Variants in TUB observed in about 807,000 individuals in gnomAD.
The protein encoded by TUB is TUB bipartite transcription factor, also known as tubby protein homolog.
A neutral mutation model predicts 59.7 loss-of-function variants in TUB; 33 were observed. The observed-to-expected ratio is 0.55, with a 90% CI of 0.42 to 0.74. The LOEUF is 0.74. Ranked by LOEUF, TUB falls within the 30% of genes least tolerant of loss-of-function variation. The pLI is 0.00. For synonymous variants in TUB, 293 were observed against 256.4 expected (o/e 1.14, Z -1.36); for missense variants, 659 against 672.0 (o/e 0.98, Z 0.21).
At chr11:8,080,428 C>A (rs572582632), upstream of TUB, among the ~76,000 whole-genome samples, 1 of 152,328 alleles carries the variant, frequency 6.6e-6, no homozygotes, top group East Asian at 1.9e-4. Context: ...CTCCTCAGCG[C>A]GCAGAGACTT....
chr11:8,104,622 G>A lies in TUB; in HGVS notation c.*3003G>A, dbSNP rs1399016023. 2 of 152,198 alleles carry A rather than the reference G, an allele frequency of 1.3e-5. No homozygotes were observed. Among genetic ancestry groups the A allele is most frequent in the African/African-American group, 2.4e-5 (1 of 41,464 alleles). 9.4% of individuals were successfully genotyped at this position (152,198 alleles called of 1,614,324 possible). ...AGAAGGTATACCTGGGAAGATACCA[G>A]CTTTTTCTCTCAGGGTTCTGAGTCA... is the stretch of plus-strand genomic sequence containing the variant. On this transcript the variant is annotated 3_prime_UTR_variant, in exon 12 of 12. Transcript: ENST00000299506.
chr11:8,077,336 A>G (rs1489210642), upstream of TUB: 24 of 152,206 alleles, frequency 1.6e-4, no homozygotes, highest in Non-Finnish European at 2.9e-5. Context: ...TCAGGATGAC[A>G]TATGACCTGG....
At chr11:8,047,502 G>A (rs371040212) in intron 2 of TUB, among the ~76,000 whole-genome samples, 5 of 152,162 alleles carry the variant, frequency 3.3e-5, no homozygotes, top group African/African-American at 9.7e-5. Context: ...AAGGAATGGA[G>A]GTGTGGAGCC....
chr11:8,052,077 T>A lies in TUB; in HGVS notation c.203+12385T>A, dbSNP rs73396736. ...TTTTGGTACAGTTTCCTAGTACAGATGATTTATTGGAGATTCATAGCACAG... is the reference window on the plus strand; with the variant it reads ...TTTTGGTACAGTTTCCTAGTACAGAAGATTTATTGGAGATTCATAGCACAG... On this transcript the variant is annotated intron_variant, in intron 2 of 12. Coordinates refer to the TUB transcript ENST00000305253. 2.3e-3 allele frequency among the ~76,000 whole-genome samples: 356 copies of A among 152,380 alleles called. 1 individual carries two copies. Among genetic ancestry groups the A allele is most frequent in the African/African-American group, 8.2e-3 (340 of 41,600 alleles).
At chr11:8,096,647 C>T (rs1331487112) in intron 5 of TUB, 38 bp from the exon 6 acceptor site, 26 of 1,389,252 alleles carry the variant, frequency 1.9e-5, no homozygotes, top group Non-Finnish European at 2.5e-5. Flanking sequence ...GCGTAGACTT[C>T]TCCTCCTTCA....
At chr11:8,023,088 A>G (rs1360033771) in intron 1 of TUB, among the ~76,000 whole-genome samples, 1 of 152,166 alleles carries the variant, frequency 6.6e-6, no homozygotes, top group Non-Finnish European at 1.5e-5. Flanking sequence ...CCGGCTGGGA[A>G]GGCTAGAGCA....
intron 1 of TUB, among the ~76,000 whole-genome samples, chr11:8,019,530 G>A (rs1220930803): frequency 1.3e-5 from 2 of 152,116 alleles, no homozygotes; most frequent in Admixed American, 1.3e-4. Context: ...CGGCGCAGCG[G>A]AGCTCCAGCG....
At chr11:8,020,497 C>G (rs976766884) in intron 1 of TUB, among the ~76,000 whole-genome samples, 3 of 152,206 alleles carry the variant, frequency 2.0e-5, no homozygotes, top group Non-Finnish European at 4.4e-5. Flanking sequence ...CCATCTGTCT[C>G]CTCCATCTGC....
At chr11:8,041,887 C>T (rs1001941786) in intron 2 of TUB, among the ~76,000 whole-genome samples, 25 of 152,170 alleles carry the variant, frequency 1.6e-4, no homozygotes, top group African/African-American at 5.6e-4. Context: ...TGGCCCGCAG[C>T]CTCCAGCGAG....
At chr11:8,081,727 G>GCC (rs1291219616) in intron 1 of TUB, among the ~76,000 whole-genome samples, 179 bp downstream of exon 1, 1 of 151,582 alleles carries the variant, frequency 6.6e-6, no homozygotes, top group Non-Finnish European at 1.5e-5. Context: ...GACTGCTCCC[G>GCC]CCTGCCCCGC....
At chr11:8,040,576 T>C (rs185795232) in intron 2 of TUB, among the ~76,000 whole-genome samples, 2 of 152,308 alleles carry the variant, frequency 1.3e-5, no homozygotes, top group East Asian at 3.9e-4. Flanking sequence ...AGGGACCCCA[T>C]TGCTCTCCTT....
chr11:8,055,058 T>C (rs1201557023), intron 2 of TUB, among the ~76,000 whole-genome samples: 1 of 152,108 alleles, frequency 6.6e-6, no homozygotes, highest in Non-Finnish European at 1.5e-5. Flanking sequence ...CCCCCTCAGC[T>C]AGACAGAGAG....
intron 1 of TUB, among the ~76,000 whole-genome samples, chr11:8,029,082 AC>A (rs1564895800): frequency 1.0e-3 from 156 of 151,968 alleles, no homozygotes; most frequent in South Asian, 2.3e-3. Flanking sequence ...TTATTTCTGG[AC>A]TCTTGACTCT....
At chr11:8,036,841 A>G (rs532070894), upstream of TUB, among the ~76,000 whole-genome samples, 4 of 152,322 alleles carry the variant, frequency 2.6e-5, no homozygotes, top group African/African-American at 9.6e-5. Flanking sequence ...TCCAGCCTTA[A>G]GGTAAGAATG....
In TUB at chr11:8,090,150, A is replaced by G. The variant is rs1446118658; in HGVS notation, c.172A>G (p.Ser58Gly). The stretch of plus-strand genomic sequence containing the variant: ...GGCCAATGCAGATGGGCGGCCCCGG[A>G]GCCGGCGGGCCCGGCAGTCAGAGGA... ...VQANADGRPR[S>G]RRARQSEEQA... Residue 58 changes from serine to glycine, a missense_variant, in exon 3 of 12, where the codon AGC (serine) becomes GGC (glycine). Ser to Gly is a moderately conservative substitution (Grantham distance 56). Coordinates refer to ENST00000299506, the MANE Select transcript of TUB (RefSeq NM_177972.3). 25 of 1,613,466 alleles carry G rather than the reference A, an allele frequency of 1.5e-5. No homozygotes were observed. Among genetic ancestry groups the G allele is most frequent in the Non-Finnish European group, 1.9e-5 (22 of 1,179,912 alleles).
chr11:8,051,108 T>G (rs1259529858), intron 2 of TUB, among the ~76,000 whole-genome samples: 1 of 152,176 alleles, frequency 6.6e-6, no homozygotes, highest in Non-Finnish European at 1.5e-5. Context: ...TTTTATTTGC[T>G]TTGTGTTTTG....
At position 8,081,552 on chromosome 11, in the gene TUB, C is replaced by A. The variant is rs375671199; in HGVS notation, c.38+4C>A. On this transcript the variant is annotated splice_donor_region_variant and intron_variant, in intron 1 of 11. Coordinates refer to ENST00000299506, the MANE Select transcript of TUB (RefSeq NM_177972.3). ...ATTCCGACTGGATTCCCTACAGGTA[C>A]GCGGGCGCCGGGCCGGGGCGCCCAC... 1.9e-5 allele frequency: 30 copies of A among 1,544,148 alleles called. No homozygotes were observed. The highest frequency in any genetic ancestry group is 2.6e-5 in the Non-Finnish European group (30 of 1,150,992).
At chr11:8,030,247 G>A (rs1435329526) in intron 1 of TUB, among the ~76,000 whole-genome samples, 2 of 152,184 alleles carry the variant, frequency 1.3e-5, no homozygotes, top group African/African-American at 4.8e-5. Flanking sequence ...CAGGGACATT[G>A]TATCTGTGAC....
chr11:8,019,588 C>G (rs1016933680), intron 1 of TUB, among the ~76,000 whole-genome samples: 1 of 152,090 alleles, frequency 6.6e-6, no homozygotes, highest in African/African-American at 2.4e-5. Context: ...GAGGAGGGCA[C>G]GCGGCCACTG....
Sources: allele counts gnomAD v4.1 joint callset (sites outside exome capture counted in the v4.1 genomes callset), GRCh38; gene constraint gnomAD v4.1.1; transcripts MANE v1.5; gene names NCBI Gene and HGNC (gene_info 2026-07-23, HGNC 2026-07-21).